Variants in PLCH2 observed in about 807,000 individuals in gnomAD.
PLCH2 encodes phospholipase C eta 2, also known as 1-phosphatidylinositol 4,5-bisphosphate phosphodiesterase eta-2.
Under a neutral mutation model 134.7 loss-of-function variants are expected in PLCH2, and 98 were observed. The observed-to-expected ratio is 0.73, with a 90% CI of 0.62 to 0.86. The LOEUF (loss-of-function observed/expected upper bound fraction) is 0.86. PLCH2 is among the 40% of genes least tolerant of loss of function. The pLI, the probability that PLCH2 is intolerant of heterozygous loss-of-function variation, is 0.00. For missense variants in PLCH2, 1,994 were observed against 1,986.6 expected, an observed-to-expected ratio of 1.00 and a Z score of -0.07; for synonymous variants, 974 against 827.5, an observed-to-expected ratio of 1.18 and a Z score of -3.04.
chr1:2,434,363 G>A (rs888068662), intron 2 of PLCH2, among the ~76,000 whole-genome samples: 9 of 152,192 alleles, frequency 5.9e-5, no homozygotes, highest in East Asian at 1.9e-4. Flanking sequence ...TCCTTGTGCC[G>A]TGGGGCCCCT....
upstream of PLCH2, among the ~76,000 whole-genome samples, chr1:2,466,864 G>A (rs909852393): frequency 6.6e-6 from 1 of 152,200 alleles, no homozygotes; most frequent in African/African-American, 2.4e-5. Context: ...GGGGCTGGGA[G>A]AGCACAGGAA....
At chr1:2,481,383 C>T (rs1055303249) in intron 4 of PLCH2, among the ~76,000 whole-genome samples, 4 of 152,250 alleles carry the variant, frequency 2.6e-5, no homozygotes, top group African/African-American at 4.8e-5. Context: ...TGCATGTCTG[C>T]GCCCCTTCTC....
In PLCH2 at chr1:2,487,152, CT is replaced by C; in HGVS notation, c.911-20del. ...GGCTGGTGGTGGGCTGACATGGCCC[CT>C]ATGCCACGCCGTCCTGCAGGCTTCA... is the stretch of plus-strand genomic sequence containing the variant. On this transcript the variant is annotated intron_variant, in intron 6 of 21. Transcript: ENST00000378486. 1 of 1,546,756 alleles carries C rather than the reference CT, an allele frequency of 6.5e-7. No individual in the cohort carries two copies. Among genetic ancestry groups the C allele is most frequent in the Non-Finnish European group, 8.7e-7 (1 of 1,147,144 alleles).
At chr1:2,427,711 C>A (rs572657224) in intron 1 of PLCH2, among the ~76,000 whole-genome samples, 1 of 152,120 alleles carries the variant, frequency 6.6e-6, no homozygotes, top group African/African-American at 2.4e-5. Context: ...TGGGAGCTCG[C>A]GATCCAAGGG....
intron 11 of PLCH2, chr1:2,492,406 C>G (rs1642636025): frequency 6.6e-6 from 1 of 152,258 alleles, no homozygotes; most frequent in African/African-American, 2.4e-5. Context: ...GGGCAGCCAG[C>G]TGGGCCTGTG....
At chr1:2,426,255 A>G (rs933083536) in intron 1 of PLCH2, among the ~76,000 whole-genome samples, 8 of 152,322 alleles carry the variant, frequency 5.3e-5, no homozygotes, top group African/African-American at 1.7e-4. Context: ...GGCTCCTGGA[A>G]GATTCTGAGG....
exon 1 of PLCH2, chr1:2,467,531 CG>C: frequency 2.5e-6 from 1 of 398,372 alleles, no homozygotes; most frequent in East Asian, 3.6e-5. Context: ...TGCCCCTGCT[CG>C]GGCTGGGGCT....
upstream of PLCH2, among the ~76,000 whole-genome samples, chr1:2,464,781 C>T (rs184556338): frequency 6.6e-6 from 1 of 152,334 alleles, no homozygotes; most frequent in Non-Finnish European, 1.5e-5. Flanking sequence ...AAAGCCCCTC[C>T]AGCTGAAAGA....
intron 11 of PLCH2, 147 bp from the exon 12 acceptor site, chr1:2,494,709 G>GCCCCC: frequency 1.9e-6 from 1 of 513,228 alleles, no homozygotes; most frequent in South Asian, 1.7e-5. Context: ...TCCCCGCCCT[G>GCCCCC]CCCTCCCCTC....
At chr1:2,416,702 C>G in the PLCH2 span, among the ~76,000 whole-genome samples, 2 of 152,234 alleles carry the variant, frequency 1.3e-5, no homozygotes, top group African/African-American at 4.8e-5. Context: ...CTCCTGGAGC[C>G]TCCGTGGGAA....
chr1:2,487,250 C>T lies in PLCH2; in HGVS notation c.988C>T (p.Gln330Ter), dbSNP rs1403093277. 1 of 1,611,786 alleles carries T rather than the reference C, an allele frequency of 6.2e-7. No individual in the cohort carries two copies. Among genetic ancestry groups the T allele is most frequent in the South Asian group, 1.1e-5 (1 of 90,622 alleles). The change falls in exon 7 of 22, where the codon CAG becomes TAG. Residue 330 changes from glutamine to a stop codon, truncating the protein, a stop_gained. Transcript: ENST00000378486. LOFTEE classifies it high-confidence loss of function. Reference sequence around the variant, plus strand: ...CCACCATGTGCACCAGGACATGACGCAGCCGCTGAGCCACTACTTCATCAC... The same window carrying T: ...CCACCATGTGCACCAGGACATGACGTAGCCGCTGAGCCACTACTTCATCAC... The part of the protein sequence containing the change: ...EHHHVHQDMT[Q>*]PLSHYFITSS...
chr1:2,497,149 C>T, intron 15 of PLCH2, 139 bp downstream of exon 15: 1 of 830,662 alleles, frequency 1.2e-6, no homozygotes, highest in South Asian at 1.8e-5. Context: ...CTCCACACCT[C>T]TGTGGCATGC....
chr1:2,499,399 C>G (rs993545888), intron 19 of PLCH2, among the ~76,000 whole-genome samples, 169 bp downstream of exon 19: 4 of 152,144 alleles, frequency 2.6e-5, no homozygotes, highest in Non-Finnish European at 5.9e-5. Flanking sequence ...GCGGGTCAGG[C>G]AGGGGCATGG....
intron 2 of PLCH2, among the ~76,000 whole-genome samples, chr1:2,457,925 C>A (rs1030408442): frequency 6.6e-6 from 1 of 151,736 alleles, no homozygotes; most frequent in African/African-American, 2.4e-5. Flanking sequence ...CTGATGGCCA[C>A]CCGGCCCATG....
intron 2 of PLCH2, among the ~76,000 whole-genome samples, chr1:2,441,706 G>A (rs1639700026): frequency 6.6e-6 from 1 of 152,154 alleles, no homozygotes; most frequent in Non-Finnish European, 1.5e-5. Flanking sequence ...AAGCCAGGGT[G>A]GAGTCTGGGA....
chr1:2,484,134 A>G (rs893637309), intron 4 of PLCH2, among the ~76,000 whole-genome samples: 1 of 151,430 alleles, frequency 6.6e-6, no homozygotes, highest in African/African-American at 2.4e-5. Context: ...TGACTCCCGT[A>G]TGGGTGATGT....
At chr1:2,474,270 C>T (rs951231134), upstream of PLCH2, among the ~76,000 whole-genome samples, 2 of 152,168 alleles carry the variant, frequency 1.3e-5, no homozygotes, top group East Asian at 1.9e-4. Flanking sequence ...TCTCTTGGCC[C>T]GGGGCACCCC....
At chr1:2,432,843 A>C (rs1639133876) in intron 2 of PLCH2, among the ~76,000 whole-genome samples, 1 of 152,230 alleles carries the variant, frequency 6.6e-6, no homozygotes, top group South Asian at 2.1e-4. Context: ...CTGTCACAGG[A>C]GCTGCCCCTG....
At chr1:2,423,517 A>C (rs750086971), upstream of PLCH2, among the ~76,000 whole-genome samples, 1 of 152,122 alleles carries the variant, frequency 6.6e-6, no homozygotes, top group Non-Finnish European at 1.5e-5. Context: ...AGGAGATGGG[A>C]GGAGACCCTC....
Sources: gnomAD v4.1 joint callset for allele counts (sites outside exome capture counted in the v4.1 genomes callset) on GRCh38, gnomAD v4.1.1 for gene constraint, MANE v1.5 for transcripts, NCBI Gene and HGNC (gene_info 2026-07-23, HGNC 2026-07-21) for gene names.